STK32C: variants seen among roughly 807,000 people sequenced by gnomAD.
STK32C encodes the protein serine/threonine-protein kinase 32C.
In STK32C, 31 loss-of-function variants were observed where a neutral mutation model predicts 56.5. That is an observed-to-expected ratio of 0.55 (90% confidence interval 0.41 to 0.74). The LOEUF (loss-of-function observed/expected upper bound fraction) is 0.74, where lower values mean the gene tolerates loss of function less well. Ranked by LOEUF, STK32C falls within the 30% of genes least tolerant of loss-of-function variation. The pLI is 0.00. For missense variants in STK32C, 544 were observed against 676.9 expected, an observed-to-expected ratio of 0.80 and a Z score of 2.18; for synonymous variants, 309 against 289.4, an observed-to-expected ratio of 1.07 and a Z score of -0.69.
intron 1 of STK32C, among the ~76,000 whole-genome samples, chr10:132,274,942 G>A (rs75367440): frequency 0.012 from 1,871 of 152,316 alleles, 40 homozygotes; most frequent in African/African-American, 0.043. Context: ...CAGCTCCAGA[G>A]AGGGGACAAC....
chr10:132,324,088 AT>A, exon 2 of STK32C: 1 of 619,978 alleles, frequency 1.6e-6, no homozygotes, highest in South Asian at 1.9e-5. Context: ...CCTGGACCAA[AT>A]TTCCAGCATA....
In STK32C at chr10:132,307,854, G is replaced by A. The variant is rs576083710; in HGVS notation, c.-21C>T. 4 of 1,144,896 alleles carry A rather than the reference G, an allele frequency of 3.5e-6. No homozygotes were observed. In the African/African-American group the frequency reaches 5.1e-5, roughly 15 times the overall value. 70.9% of individuals were successfully genotyped at this position (1,144,896 alleles called of 1,614,324 possible). On this transcript the variant is annotated 5_prime_UTR_variant, in exon 1 of 12. Transcript: ENST00000298630. The surrounding 1 kb of genome is among the most constrained non-coding windows in gnomAD (Gnocchi z 4.4). ...CTCATCGCCGGGTCTGGGTGCGCGC[G>A]GCAGCCGGAACTCGGGGCATGGCCG...
At chr10:132,326,851 A>G (rs2066508799) in intron 1 of STK32C, among the ~76,000 whole-genome samples, 1 of 152,200 alleles carries the variant, frequency 6.6e-6, no homozygotes, top group Admixed American at 6.5e-5. Flanking sequence ...GACAGAGAAG[A>G]GGGGTCCATT....
chr10:132,296,084 G>C (rs1045558319), intron 1 of STK32C, among the ~76,000 whole-genome samples: 2 of 148,148 alleles, frequency 1.3e-5, no homozygotes, highest in Non-Finnish European at 3.0e-5. Context: ...TGTGGACAGC[G>C]TGTAATCTCG....
At chr10:132,233,537 A>G (rs1236929983) in intron 2 of STK32C, among the ~76,000 whole-genome samples, 1 of 152,218 alleles carries the variant, frequency 6.6e-6, no homozygotes. Flanking sequence ...CGAGGCCACA[A>G]ACCTCTCAAG....
intron 1 of STK32C, among the ~76,000 whole-genome samples, chr10:132,273,802 G>C (rs1431565497): frequency 1.3e-5 from 2 of 152,060 alleles, no homozygotes; most frequent in Non-Finnish European, 2.9e-5. Context: ...CATGGTGAGT[G>C]AATGAGGTGA....
At chr10:132,291,323 G>A (rs1210198154) in intron 1 of STK32C, among the ~76,000 whole-genome samples, 2 of 152,204 alleles carry the variant, frequency 1.3e-5, no homozygotes, top group Non-Finnish European at 2.9e-5. Context: ...GGCTCCACTG[G>A]CTGTGGGTGA....
chr10:132,246,548 C>T (rs1459901579), intron 1 of STK32C, among the ~76,000 whole-genome samples: 1 of 152,298 alleles, frequency 6.6e-6, no homozygotes, highest in East Asian at 1.9e-4. Context: ...CCTGGGAGAG[C>T]CTGCGCCCAG....
intron 1 of STK32C, among the ~76,000 whole-genome samples, chr10:132,303,374 G>A (rs2065967239): frequency 6.6e-6 from 1 of 152,212 alleles, no homozygotes; most frequent in South Asian, 2.1e-4. Context: ...TAACTGTGCT[G>A]GGAAGGACTG....
chr10:132,286,000 C>T (rs1184626388), intron 1 of STK32C, among the ~76,000 whole-genome samples: 3 of 152,084 alleles, frequency 2.0e-5, no homozygotes, highest in Non-Finnish European at 4.4e-5. Flanking sequence ...GTGGCGGGCG[C>T]CTGTCATCCC....
At chr10:132,276,500 G>C (rs772593470) in intron 1 of STK32C, among the ~76,000 whole-genome samples, 1 of 152,216 alleles carries the variant, frequency 6.6e-6, no homozygotes, top group Non-Finnish European at 1.5e-5. Flanking sequence ...GCACAAAAGG[G>C]GCGAGGCACG....
chr10:132,316,156 A>G (rs186407239), intron 1 of STK32C, among the ~76,000 whole-genome samples: 12 of 152,352 alleles, frequency 7.9e-5, no homozygotes, highest in Non-Finnish European at 1.5e-4. Flanking sequence ...GTTGCATGCC[A>G]TAAGTATATA....
chr10:132,315,419 G>A (rs1056266148), intron 1 of STK32C, among the ~76,000 whole-genome samples: 3 of 152,138 alleles, frequency 2.0e-5, no homozygotes, highest in Non-Finnish European at 4.4e-5. Flanking sequence ...AACCAGCATG[G>A]CACATGTATA....
At chr10:132,237,175 TGACTGTGCTCCCTG>T (rs141227794) in intron 2 of STK32C, among the ~76,000 whole-genome samples, 65,109 of 150,870 alleles carry the variant, frequency 0.43, 15,440 homozygotes, top group East Asian at 0.6. Flanking sequence ...TCCCACTCCC[TGACTGTGCTCCCTG>T]GACTGTGCTC....
At chr10:132,229,859 G>T (rs529198990) in intron 2 of STK32C, among the ~76,000 whole-genome samples, 1 of 152,252 alleles carries the variant, frequency 6.6e-6, no homozygotes, top group East Asian at 1.9e-4. Context: ...GGGTGGATCC[G>T]GCTGCAGCAC....
intron 1 of STK32C, among the ~76,000 whole-genome samples, chr10:132,261,709 G>T (rs999984300): frequency 6.6e-6 from 1 of 152,188 alleles, no homozygotes; most frequent in Non-Finnish European, 1.5e-5. Context: ...AGGTTGCAGT[G>T]AGCCAAGATT....
chr10:132,321,378 T>C (rs79085491), downstream of STK32C, among the ~76,000 whole-genome samples: 1,634 of 152,276 alleles, frequency 0.011, 26 homozygotes, highest in African/African-American at 0.036. Flanking sequence ...TGGTTTGTTA[T>C]GTGGAATTCT....
chr10:132,261,690 G>A (rs949538120), intron 1 of STK32C, among the ~76,000 whole-genome samples: 6 of 152,242 alleles, frequency 3.9e-5, no homozygotes, highest in Non-Finnish European at 7.4e-5. Context: ...GCTTGAGCCC[G>A]GCAGGCAGAG....
chr10:132,285,690 T>C (rs1011259655), intron 1 of STK32C, among the ~76,000 whole-genome samples: 2 of 151,886 alleles, frequency 1.3e-5, no homozygotes, highest in South Asian at 2.1e-4. Context: ...GGAGCAAAAA[T>C]AGACAAAATG....
Sources: gnomAD v4.1 joint callset for allele counts (sites outside exome capture counted in the v4.1 genomes callset) on GRCh38, gnomAD v4.1.1 for gene constraint, Gnocchi (gnomAD v3.1) non-coding constraint, MANE v1.5 for transcripts, NCBI Gene and HGNC (gene_info 2026-07-23, HGNC 2026-07-21) for gene names.